The following EPHB1 variants were observed in gnomAD, a reference collection of about 807,000 sequenced individuals.
EPHB1 encodes the protein ephrin type-B receptor 1.
Under a neutral mutation model 94.4 loss-of-function variants are expected in EPHB1, and 30 were observed. The ratio of observed to expected loss-of-function variants is 0.32; its 90% CI spans 0.24 to 0.43. The LOEUF (loss-of-function observed/expected upper bound fraction) is 0.43, where lower values mean the gene tolerates loss of function less well. Ranked by LOEUF, EPHB1 falls within the 20% of genes least tolerant of loss-of-function variation. EPHB1 has a pLI of 1.00. For missense variants in EPHB1, 1,055 were observed against 1,308.3 expected (o/e 0.81, Z 2.99); for synonymous variants, 522 against 489.1 (o/e 1.07, Z -0.89).
intron 3 of EPHB1, among the ~76,000 whole-genome samples, chr3:135,081,256 T>C (rs766672924): frequency 2.5e-4 from 38 of 152,204 alleles, no homozygotes; most frequent in Non-Finnish European, 4.6e-4. Flanking sequence ...GGCTTAAGTC[T>C]TTGGGGATAA....
At chr3:134,869,305 C>A (rs977094524) in intron 1 of EPHB1, among the ~76,000 whole-genome samples, 2 of 152,198 alleles carry the variant, frequency 1.3e-5, no homozygotes, top group African/African-American at 4.8e-5. Context: ...TGCCGTGGAT[C>A]TGGTTTCTTG....
intron 4 of EPHB1, among the ~76,000 whole-genome samples, chr3:135,117,507 T>C (rs1260809639): frequency 1.3e-5 from 2 of 152,222 alleles, no homozygotes. Context: ...AGAAGGCTTA[T>C]GATTCCCTCT....
At chr3:135,034,602 C>T (rs370315547) in intron 3 of EPHB1, among the ~76,000 whole-genome samples, 1 of 152,268 alleles carries the variant, frequency 6.6e-6, no homozygotes. Context: ...ATAGCTAAAT[C>T]TTGCACTTTA....
intron 3 of EPHB1, among the ~76,000 whole-genome samples, chr3:135,010,558 GTTTTTT>G (rs58579496): frequency 2.4e-4 from 26 of 110,384 alleles, no homozygotes; most frequent in African/African-American, 5.9e-4. Flanking sequence ...ATTTTTTTCT[GTTTTTT>G]TTTTTTTTTT....
rs551495196 is a variant in EPHB1, at chr3:135,180,157, A to G, written c.1882+175A>G. ...CATGTGTATCTAGGACAGAGAGAAA[A>G]CATCACTTGGGATCTTTGGGGACCT... On this transcript the variant is annotated intron_variant, in intron 10 of 15. Transcript: ENST00000398015. Among the ~76,000 whole-genome samples the G allele has an allele frequency of 1.1e-3, 163 of 152,298 alleles. 1 individual carries two copies. The highest frequency in any genetic ancestry group is 3.7e-3 in the African/African-American group (155 of 41,560).
chr3:135,035,442 T>G (rs1936614693), intron 3 of EPHB1, among the ~76,000 whole-genome samples: 1 of 152,232 alleles, frequency 6.6e-6, no homozygotes, highest in Admixed American at 6.5e-5. Flanking sequence ...AAGCCAGTAT[T>G]TCCAATAATT....
intron 12 of EPHB1, among the ~76,000 whole-genome samples, chr3:135,215,342 T>C (rs1270270543): frequency 6.6e-6 from 1 of 152,108 alleles, no homozygotes; most frequent in Non-Finnish European, 1.5e-5. Context: ...TTTGTATTTT[T>C]AGTAGAGACA....
chr3:134,832,476 G>C (rs552912015), intron 1 of EPHB1, among the ~76,000 whole-genome samples: 1 of 152,322 alleles, frequency 6.6e-6, no homozygotes, highest in East Asian at 1.9e-4. Context: ...GTTCATGGCG[G>C]TTGCTCTTCT....
chr3:135,067,314 G>A (rs1937593499), intron 3 of EPHB1, among the ~76,000 whole-genome samples: 1 of 152,104 alleles, frequency 6.6e-6, no homozygotes, highest in Non-Finnish European at 1.5e-5. Context: ...GCAATGAGGT[G>A]GAGGCAGGGC....
chr3:134,935,022 C>T (rs1220012056), intron 2 of EPHB1, among the ~76,000 whole-genome samples: 1 of 152,170 alleles, frequency 6.6e-6, no homozygotes, highest in Non-Finnish European at 1.5e-5. Flanking sequence ...CACCCCTTGT[C>T]CCAGTCTTGG....
chr3:134,832,506 C>T (rs971881459), intron 1 of EPHB1, among the ~76,000 whole-genome samples: 1 of 152,170 alleles, frequency 6.6e-6, no homozygotes, highest in Non-Finnish European at 1.5e-5. Context: ...CTTCAGTCAC[C>T]CAAGTATCAC....
rs1003594018 is a variant in EPHB1, at chr3:135,102,429, G to A, written c.806-4019G>A. On this transcript the variant is annotated intron_variant, in intron 3 of 15. Coordinates refer to ENST00000398015, the MANE Select transcript of EPHB1 (RefSeq NM_004441.5). Reference sequence around the variant, plus strand: ...TAAAGCTGCTTTTTCTCAAGTGACAGCGTAGTTTTCTTATTTATTTTTCTA... The same window carrying A: ...TAAAGCTGCTTTTTCTCAAGTGACAACGTAGTTTTCTTATTTATTTTTCTA... Among the ~76,000 whole-genome samples the A allele has an allele frequency of 2.6e-5, 4 of 152,054 alleles. No individual in the cohort carries two copies. In the East Asian group the frequency reaches 7.7e-4, roughly 29 times the overall value.
At position 135,106,593 on chromosome 3, in the gene EPHB1, G is replaced by C; in HGVS notation, c.951G>C (p.Val317=). 6.2e-7 allele frequency: 1 copy of C among 1,614,004 alleles called. No individual in the cohort carries two copies. The highest frequency in any genetic ancestry group is 8.5e-7 in the Non-Finnish European group (1 of 1,179,896). The change falls in exon 4 of 16, where the codon GTG becomes GTC. Residue 317 remains valine, a synonymous_variant. Transcript: ENST00000398015. ...YYRADFDPPE[V]ACTSVPSGPR... ...GAGCGGACTTTGACCCTCCAGAAGT[G>C]GCATGCACTAGTAAGTGTCTAGTAA...
intron 1 of EPHB1, among the ~76,000 whole-genome samples, chr3:134,892,880 G>A (rs542688942): frequency 3.3e-5 from 5 of 151,626 alleles, no homozygotes; most frequent in East Asian, 1.9e-4. Context: ...GCCTCTTCTC[G>A]GCAGAATTAT....
In EPHB1 at chr3:135,023,526, T is replaced by A. The variant is rs183025565; in HGVS notation, c.805+71474T>A. ...GGGTTGGTGCCAGAATCGCCCCCTG[T>A]TGAGAATCAGTGCAATAGAAGGTGG... On this transcript the variant is annotated intron_variant, in intron 3 of 15. Transcript: ENST00000398015. Among the ~76,000 whole-genome samples the A allele has an allele frequency of 3.0e-3, 450 of 152,280 alleles. 1 individual carries two copies. The highest frequency in any genetic ancestry group is 0.02 in the Middle Eastern group (6 of 294).
intron 3 of EPHB1, among the ~76,000 whole-genome samples, chr3:135,043,695 G>A (rs1023172906): frequency 2.6e-5 from 4 of 152,202 alleles, no homozygotes; most frequent in South Asian, 4.1e-4. Flanking sequence ...TGATACAGAC[G>A]TTCCTAAGAT....
At chr3:134,800,238 G>A (rs1192026180) in intron 1 of EPHB1, among the ~76,000 whole-genome samples, 1 of 151,970 alleles carries the variant, frequency 6.6e-6, no homozygotes. Context: ...TATAGGAGTA[G>A]GGACAAGTAA....
At chr3:134,977,753 G>T (rs1465294852) in intron 3 of EPHB1, among the ~76,000 whole-genome samples, 1 of 152,110 alleles carries the variant, frequency 6.6e-6, no homozygotes, top group Non-Finnish European at 1.5e-5. Context: ...GGATGGATTT[G>T]TCTATTCCCC....
chr3:134,817,935 G>A (rs1382563394), intron 1 of EPHB1, among the ~76,000 whole-genome samples: 1 of 152,192 alleles, frequency 6.6e-6, no homozygotes, highest in African/African-American at 2.4e-5. Flanking sequence ...CATGCAGCCA[G>A]GTTCACAGAC....
Sources: allele counts gnomAD v4.1 joint callset (sites outside exome capture counted in the v4.1 genomes callset), GRCh38; gene constraint gnomAD v4.1.1; transcripts MANE v1.5; gene names NCBI Gene and HGNC (gene_info 2026-07-23, HGNC 2026-07-21).